RPIA: variants seen among roughly 807,000 people sequenced by gnomAD.
RPIA encodes the protein ribose-5-phosphate isomerase.
Under a neutral mutation model 37.8 loss-of-function variants are expected in RPIA, and 29 were observed. The ratio of observed to expected loss-of-function variants is 0.77; its 90% CI spans 0.57 to 1.05. The LOEUF (loss-of-function observed/expected upper bound fraction) is 1.05. Ranked by LOEUF, RPIA falls within the 50% of genes least tolerant of loss-of-function variation. RPIA has a pLI of 0.00. For missense variants in RPIA, 385 were observed against 413.6 expected, an observed-to-expected ratio of 0.93 and a Z score of 0.60; for synonymous variants, 167 against 157.0, an observed-to-expected ratio of 1.06 and a Z score of -0.48.
chr2:88,696,283 C>G (rs1023786932), intron 1 of RPIA, among the ~76,000 whole-genome samples: 1 of 151,696 alleles, frequency 6.6e-6, no homozygotes, highest in Non-Finnish European at 1.5e-5. Flanking sequence ...AATGGCTCAT[C>G]CTGTAATCCC....
At chr2:88,749,789 G>C (rs1263426998) in intron 8 of RPIA, among the ~76,000 whole-genome samples, 192 bp from the exon 9 acceptor site, 1 of 152,220 alleles carries the variant, frequency 6.6e-6, no homozygotes, top group East Asian at 1.9e-4. Context: ...AGTGGGAGGG[G>C]AGAAAGAGGT....
intron 3 of RPIA, among the ~76,000 whole-genome samples, chr2:88,721,645 G>A (rs181337081): frequency 7.2e-6 from 1 of 138,414 alleles, no homozygotes; most frequent in Admixed American, 7.8e-5. Context: ...CAGCCCAAAT[G>A]CCCATCAGTG....
rs766404878 is a variant in RPIA, at chr2:88,691,732, G to C, written c.34G>C (p.Gly12Arg). Residue 12 changes from glycine to arginine, a missense_variant, in exon 1 of 9, where the codon GGG becomes CGG. Around this residue, in one of 2 missense-constraint regions of RPIA, gnomAD observed 232 missense variants for 203.0 expected, o/e 1.14. Coordinates refer to ENST00000283646, the MANE Select transcript of RPIA (RefSeq NM_144563.3). ...QRPGPFSTLY[G>R]RVLAPLPGRA... Reference sequence around the variant, plus strand: ...CCCCGGGCCCTTCAGCACCCTCTACGGGCGGGTCTTGGCCCCGCTGCCCGG... The same window carrying C: ...CCCCGGGCCCTTCAGCACCCTCTACCGGCGGGTCTTGGCCCCGCTGCCCGG... 2.5e-6 allele frequency: 4 copies of C among 1,594,096 alleles called. No individual in the cohort carries two copies. The highest frequency in any genetic ancestry group is 1.7e-5 in the Admixed American group (1 of 59,344).
Position 88,750,337 on chromosome 2 carries a change from GT to G in RPIA, c.*263del, listed in dbSNP as rs1673490142. Reference sequence around the variant, plus strand: ...TAAATGAAGTAGAACTTGAGTTCATGTTTTATATGAAATATTTACCAAAAAA... The same window carrying G: ...TAAATGAAGTAGAACTTGAGTTCATGTTTATATGAAATATTTACCAAAAAA... On this transcript the variant is annotated 3_prime_UTR_variant, in exon 9 of 9. Transcript: ENST00000283646. 1 of 366,284 alleles carries G rather than the reference GT, an allele frequency of 2.7e-6. No individual in the cohort carries two copies. Among genetic ancestry groups the G allele is most frequent in the Non-Finnish European group, 4.9e-6 (1 of 205,416 alleles). 22.7% of individuals were successfully genotyped at this position (366,284 alleles called of 1,614,324 possible). A position where few individuals can be genotyped will look rare whatever the true frequency, so the allele number is the denominator to read the frequency against.
At chr2:88,711,630 AGGAAAAGACCT>A (rs1672963285) in intron 3 of RPIA, among the ~76,000 whole-genome samples, 1 of 152,244 alleles carries the variant, frequency 6.6e-6, no homozygotes, top group African/African-American at 2.4e-5. Flanking sequence ...CCCTGGGTCA[AGGAAAAGACCT>A]GGAAAGGGAA....
intron 3 of RPIA, among the ~76,000 whole-genome samples, chr2:88,717,158 A>G (rs1404535743): frequency 6.6e-6 from 1 of 152,178 alleles, no homozygotes; most frequent in Non-Finnish European, 1.5e-5. Flanking sequence ...CTTTATGTCC[A>G]GTTTTGGCAT....
rs2104156387 is a variant in RPIA at position 88,750,176 on chromosome 2, G to A, written c.*98G>A. 1 of 789,922 alleles carries A rather than the reference G, an allele frequency of 1.3e-6. No individual in the cohort carries two copies. Among genetic ancestry groups the A allele is most frequent in the Non-Finnish European group, 2.2e-6 (1 of 456,718 alleles). The allele number at this position is 789,922 out of a possible 1,614,324, so 48.9% of individuals were successfully genotyped here. On this transcript the variant is annotated 3_prime_UTR_variant, in exon 9 of 9. Transcript: ENST00000283646. ...CCTTTGCCTTAATGTATCTCTGCCT[G>A]GACAACTTGTGGTGGGGGGTGGGGG...
At chr2:88,707,129 G>A (rs959762545) in intron 3 of RPIA, among the ~76,000 whole-genome samples, 4 of 152,196 alleles carry the variant, frequency 2.6e-5, no homozygotes, top group Non-Finnish European at 5.9e-5. Context: ...TTGGACGCAT[G>A]CAATTTTCCA....
intron 3 of RPIA, among the ~76,000 whole-genome samples, chr2:88,704,722 G>C (rs1672877306): frequency 6.6e-6 from 1 of 152,134 alleles, no homozygotes; most frequent in East Asian, 1.9e-4. Context: ...GTTCTGGCCG[G>C]GGCCATCAGG....
rs955871461 is a variant in RPIA at position 88,721,575 on chromosome 2, C to A, written c.403-7703C>A. On this transcript the variant is annotated intron_variant, in intron 3 of 8. Transcript: ENST00000283646. The stretch of plus-strand genomic sequence containing the variant: ...CACACACACACACACACACACACCC[C>A]CCCCCCCACATGCACACATGTTTTT... Among the ~76,000 whole-genome samples, 304 of 113,416 alleles carry A rather than the reference C, an allele frequency of 2.7e-3. 10 individuals carry two copies. Among genetic ancestry groups the A allele is most frequent in the African/African-American group, 9.5e-3 (256 of 26,978 alleles). The allele number at this position is 113,416 out of a possible 152,430, so 74.4% of individuals were successfully genotyped here.
At chr2:88,743,028 C>T (rs1023298820) in intron 8 of RPIA, among the ~76,000 whole-genome samples, 9 of 151,738 alleles carry the variant, frequency 5.9e-5, no homozygotes, top group Admixed American at 3.3e-4. Context: ...GATTTGGATG[C>T]CCTTTGTCTT....
chr2:88,702,906 A>G (rs186291342), intron 3 of RPIA, among the ~76,000 whole-genome samples: 73 of 152,348 alleles, frequency 4.8e-4, no homozygotes, highest in African/African-American at 1.8e-3. Context: ...TTTCCCAGAT[A>G]CACTGGGGGT....
chr2:88,736,760 A>G, intron 7 of RPIA, 84 bp downstream of exon 7: 1 of 1,479,814 alleles, frequency 6.8e-7, no homozygotes, highest in Non-Finnish European at 9.1e-7. Flanking sequence ...CAGTTAGGTC[A>G]TGTGTGCTTC....
In RPIA at chr2:88,750,822, G is replaced by T. The variant is rs1673497072; in HGVS notation, c.*744G>T. The stretch of plus-strand genomic sequence containing the variant: ...TTTTATTTTTAATGATTTTCTTTTT[G>T]TTATTAATATTTTTCTCTGTTCCTT... On this transcript the variant is annotated 3_prime_UTR_variant, in exon 9 of 9. Coordinates refer to ENST00000283646, the MANE Select transcript of RPIA (RefSeq NM_144563.3). The T allele has an allele frequency of 2.5e-6, 1 of 398,274 alleles. No individual in the cohort carries two copies. Among genetic ancestry groups the T allele is most frequent in the African/African-American group, 2.1e-5 (1 of 48,608 alleles). 24.7% of individuals were successfully genotyped at this position (398,274 alleles called of 1,614,324 possible).
At chr2:88,739,376 T>C (rs1673356043) in intron 8 of RPIA, among the ~76,000 whole-genome samples, 1 of 152,210 alleles carries the variant, frequency 6.6e-6, no homozygotes, top group Admixed American at 6.5e-5. Context: ...TCTTCCTATG[T>C]AGAAGGGGCT....
chr2:88,712,470 T>A (rs1672971788), intron 3 of RPIA, among the ~76,000 whole-genome samples: 1 of 152,232 alleles, frequency 6.6e-6, no homozygotes, highest in Non-Finnish European at 1.5e-5. Context: ...TAATTCTGAA[T>A]GGATAAATGG....
chr2:88,734,033 C>G (rs1421472332), intron 4 of RPIA, among the ~76,000 whole-genome samples: 2 of 151,798 alleles, frequency 1.3e-5, no homozygotes, highest in African/African-American at 4.8e-5. Context: ...ATCCTCATGT[C>G]CACTTAAAAT....
At chr2:88,747,697 C>A (rs1673455570) in intron 8 of RPIA, among the ~76,000 whole-genome samples, 1 of 152,160 alleles carries the variant, frequency 6.6e-6, no homozygotes, top group South Asian at 2.1e-4. Context: ...AAATCCATTT[C>A]AGCTCTAGGT....
intron 3 of RPIA, among the ~76,000 whole-genome samples, chr2:88,711,827 A>T (rs2104093684): frequency 6.6e-6 from 1 of 152,310 alleles, no homozygotes; most frequent in South Asian, 2.1e-4. Context: ...TGCTACAAAT[A>T]GTTTGTTTTG....
Sources: gnomAD v4.1 joint callset for allele counts (sites outside exome capture counted in the v4.1 genomes callset) on GRCh38, gnomAD v4.1.1 for gene constraint, gnomAD v4.1.1 regional missense constraint, MANE v1.5 for transcripts, NCBI Gene and HGNC (gene_info 2026-07-23, HGNC 2026-07-21) for gene names.